The following RPL39 variants were observed in gnomAD, a reference collection of about 807,000 sequenced individuals.
The protein encoded by RPL39 is large ribosomal subunit protein eL39.
For missense variants in RPL39, 6 were observed against 37.2 expected (o/e 0.16, Z 2.18); for synonymous variants, 8 against 11.4 (o/e 0.70, Z 0.60).
intron 2 of RPL39, chrX:119,787,278 C>T: frequency 3.0e-6 from 1 of 333,046 alleles, no homozygotes; most frequent in South Asian, 2.8e-5. Context: ...TGAGCCACTG[C>T]ACCTGGCCTC....
chrX:119,786,760 A>G (rs944038690), intron 2 of RPL39, 28 bp from the exon 3 acceptor site: 32 of 1,156,872 alleles, frequency 2.8e-5, no homozygotes, highest in Non-Finnish European at 3.8e-5. Flanking sequence ...TCAAGTTACA[A>G]AGGCAGTCTG....
At chrX:119,791,474 G>A in intron 1 of RPL39, 100 bp downstream of exon 1, 1 of 792,817 alleles carries the variant, frequency 1.3e-6, no homozygotes. Context: ...CCTTTAAAAG[G>A]CTCCCGCCCC....
At chrX:119,789,782 T>C (rs762687082) in intron 2 of RPL39, 126 bp downstream of exon 2, 8 of 446,024 alleles carry the variant, frequency 1.8e-5, no homozygotes, top group Non-Finnish European at 2.8e-5. Flanking sequence ...AATTTGAGAA[T>C]GCTGTCAAAG....
intron 2 of RPL39, among the ~76,000 whole-genome samples, chrX:119,789,236 A>G (rs769259901): frequency 3.6e-5 from 4 of 110,517 alleles, no homozygotes; most frequent in Non-Finnish European, 7.7e-5. Context: ...CGCAGCATGT[A>G]AAACAGAACA....
chrX:119,786,605 G>A lies in RPL39; in HGVS notation c.*79C>T, dbSNP rs1188150622. ...CACGTCGAAATCTCCAGATAGTGGTGACATTTTCAGCTTGATATGGTAACA... is the reference window on the plus strand; with the variant it reads ...CACGTCGAAATCTCCAGATAGTGGTAACATTTTCAGCTTGATATGGTAACA... On this transcript the variant is annotated 3_prime_UTR_variant, in exon 3 of 3. Coordinates refer to ENST00000361575, the MANE Select transcript of RPL39 (RefSeq NM_001000.4). 2.1e-5 allele frequency: 16 copies of A among 745,638 alleles called. No homozygotes were observed. The Admixed American group carries it at 4.2e-4, about 20-fold the overall frequency. 61.4% of individuals were successfully genotyped at this position (745,638 alleles called of 1,213,427 possible). A position where few individuals can be genotyped will look rare whatever the true frequency, so the allele number is the denominator to read the frequency against.
intron 2 of RPL39, among the ~76,000 whole-genome samples, chrX:119,788,273 C>A (rs1040094234): frequency 1.8e-5 from 2 of 111,928 alleles, no homozygotes; most frequent in Non-Finnish European, 3.8e-5. Context: ...GTGGCTCATG[C>A]CTGTAATCCC....
chrX:119,789,043 T>C (rs771515719), intron 2 of RPL39, among the ~76,000 whole-genome samples: 2 of 111,174 alleles, frequency 1.8e-5, no homozygotes, highest in Non-Finnish European at 3.8e-5. Flanking sequence ...GACAGGAGGA[T>C]TGCTTGAGCT....
At chrX:119,789,484 G>A (rs751532532) in intron 2 of RPL39, among the ~76,000 whole-genome samples, 1 of 112,416 alleles carries the variant, frequency 8.9e-6, no homozygotes, top group East Asian at 2.8e-4. Flanking sequence ...TTGAACCTGG[G>A]AGGCAGAGGT....
chrX:119,786,869 G>A, intron 2 of RPL39, 137 bp from the exon 3 acceptor site: 1 of 476,468 alleles, frequency 2.1e-6, no homozygotes. Flanking sequence ...AGTTCTTTCT[G>A]GAGAGTAAAA....
chrX:119,789,002 C>CGCCT (rs1569456150), intron 2 of RPL39, among the ~76,000 whole-genome samples: 2 of 112,037 alleles, frequency 1.8e-5, no homozygotes, highest in African/African-American at 6.5e-5. Context: ...TGATGGCTCA[C>CGCCT]GCCTGTAATC....
chrX:119,786,773 A>G (rs772314771), intron 2 of RPL39, 41 bp from the exon 3 acceptor site: 1 of 1,056,639 alleles, frequency 9.5e-7, no homozygotes, highest in Non-Finnish European at 1.3e-6. Flanking sequence ...GCAGTCTGAC[A>G]GCAATGTAGC....
intron 1 of RPL39, chrX:119,790,604 C>T (rs2055694713): frequency 8.9e-6 from 1 of 112,262 alleles, no homozygotes. Context: ...TGCTAAATTT[C>T]ACTGGCTAAA....
intron 2 of RPL39, among the ~76,000 whole-genome samples, chrX:119,787,096 A>G (rs954345330): frequency 2.1e-4 from 18 of 85,800 alleles, no homozygotes; most frequent in Non-Finnish European, 3.9e-4. Flanking sequence ...CTCCCGCATG[A>G]TATTTTTTTT....
intron 2 of RPL39, chrX:119,787,400 T>C (rs756512389): frequency 5.4e-6 from 2 of 373,341 alleles, no homozygotes; most frequent in African/African-American, 5.1e-5. Flanking sequence ...AAAGGCAAAA[T>C]CAAAAATGAT....
intron 2 of RPL39, among the ~76,000 whole-genome samples, chrX:119,789,562 AAAAAC>A (rs1569456207): frequency 2.0e-4 from 21 of 107,195 alleles, no homozygotes; most frequent in Non-Finnish European, 2.5e-4. Flanking sequence ...GTCTCAAAAC[AAAAAC>A]AAAAACAAAA....
chrX:119,791,408 T>C (rs1325611466), intron 1 of RPL39, 166 bp downstream of exon 1: 23 of 414,456 alleles, frequency 5.5e-5, no homozygotes, highest in Non-Finnish European at 1.1e-5. Context: ...GCTCACTAGC[T>C]TCCCTCCAGG....
intron 2 of RPL39, among the ~76,000 whole-genome samples, chrX:119,789,133 C>T (rs1056479864): frequency 6.4e-5 from 7 of 110,055 alleles, no homozygotes; most frequent in African/African-American, 2.3e-4. Context: ...GGTGTGGTGG[C>T]GTGTGCCTGT....
intron 2 of RPL39, 90 bp from the exon 3 acceptor site, chrX:119,786,822 C>T: frequency 1.5e-6 from 1 of 674,853 alleles, no homozygotes. Flanking sequence ...CCACAAAATA[C>T]AAAGGGTACT....
intron 1 of RPL39, 100 bp from the exon 2 acceptor site, chrX:119,790,111 A>C: frequency 2.1e-6 from 1 of 474,986 alleles, no homozygotes; most frequent in Non-Finnish European, 3.6e-6. Flanking sequence ...CTTAACACAT[A>C]CCCCAGCCCC....
Sources: gnomAD v4.1 joint callset for allele counts (sites outside exome capture counted in the v4.1 genomes callset) on GRCh38, gnomAD v4.1.1 for gene constraint, MANE v1.5 for transcripts, NCBI Gene and HGNC (gene_info 2026-07-23, HGNC 2026-07-21) for gene names.